Variants in ST8SIA1 observed in about 807,000 individuals in gnomAD.
The protein encoded by ST8SIA1 is ST8 alpha-N-acetyl-neuraminide alpha-2,8-sialyltransferase 1, also known as alpha-N-acetylneuraminide alpha-2,8-sialyltransferase.
In ST8SIA1, 16 loss-of-function variants were observed where a neutral mutation model predicts 35.9. The observed-to-expected ratio is 0.45, with a 90% CI of 0.30 to 0.68. The LOEUF (loss-of-function observed/expected upper bound fraction) is 0.68. ST8SIA1 is among the 30% of genes least tolerant of loss of function. ST8SIA1 has a pLI of 0.09. For missense variants in ST8SIA1, 383 were observed against 453.6 expected, an observed-to-expected ratio of 0.84 and a Z score of 1.41; for synonymous variants, 170 against 169.6, an observed-to-expected ratio of 1.00 and a Z score of -0.02.
intron 3 of ST8SIA1, among the ~76,000 whole-genome samples, chr12:22,249,544 GT>G (rs1865646106): frequency 6.6e-6 from 1 of 151,994 alleles, no homozygotes. Flanking sequence ...GTTTTGTTTT[GT>G]TTTGTTTTGT....
intron 2 of ST8SIA1, among the ~76,000 whole-genome samples, chr12:22,270,808 A>C (rs1302614151): frequency 6.6e-6 from 1 of 152,224 alleles, no homozygotes; most frequent in African/African-American, 2.4e-5. Context: ...AATTTACACA[A>C]ATTTTAAAGA....
At chr12:22,314,790 C>T (rs562532658) in intron 1 of ST8SIA1, among the ~76,000 whole-genome samples, 7 of 152,220 alleles carry the variant, frequency 4.6e-5, no homozygotes, top group African/African-American at 1.4e-4. Flanking sequence ...TGGCTCCAGG[C>T]GTACTTCTCC....
intron 4 of ST8SIA1, among the ~76,000 whole-genome samples, chr12:22,214,209 C>T (rs1387544242): frequency 1.3e-5 from 2 of 151,834 alleles, no homozygotes; most frequent in African/African-American, 2.4e-5. Flanking sequence ...TGACAGAAAA[C>T]AGAGGAAAAA....
chr12:22,319,126 T>TA (rs1291750791), intron 1 of ST8SIA1, among the ~76,000 whole-genome samples: 7 of 152,202 alleles, frequency 4.6e-5, no homozygotes, highest in African/African-American at 1.4e-4. Flanking sequence ...ATAAGTATAA[T>TA]AATATCTTCT....
At chr12:22,208,918 G>T (rs1282209207) in intron 4 of ST8SIA1, among the ~76,000 whole-genome samples, 1 of 152,042 alleles carries the variant, frequency 6.6e-6, no homozygotes, top group East Asian at 1.9e-4. Flanking sequence ...CTACTGGCTA[G>T]CCAGTAATAG....
At chr12:22,251,347 T>A (rs1171276055) in intron 3 of ST8SIA1, among the ~76,000 whole-genome samples, 1 of 152,220 alleles carries the variant, frequency 6.6e-6, no homozygotes, top group Non-Finnish European at 1.5e-5. Flanking sequence ...TTTTCATATT[T>A]ACTGCCACAG....
intron 4 of ST8SIA1, among the ~76,000 whole-genome samples, chr12:22,237,493 G>A (rs186605000): frequency 1.3e-5 from 2 of 151,392 alleles, no homozygotes; most frequent in Admixed American, 1.3e-4. Flanking sequence ...GATTTTCTCT[G>A]AACATAACTA....
intron 4 of ST8SIA1, among the ~76,000 whole-genome samples, chr12:22,220,634 T>C (rs1473782399): frequency 6.6e-6 from 1 of 152,214 alleles, no homozygotes; most frequent in Non-Finnish European, 1.5e-5. Context: ...AATTTGCCAA[T>C]TAAAAGCAAT....
chr12:22,277,530 C>A (rs10841985), intron 2 of ST8SIA1, among the ~76,000 whole-genome samples: 40,515 of 151,732 alleles, frequency 0.27, 5,588 homozygotes, highest in Middle Eastern at 0.38. Flanking sequence ...CTACGCCCAG[C>A]TAATTTTTGT....
intron 4 of ST8SIA1, among the ~76,000 whole-genome samples, chr12:22,232,297 C>T (rs1260742166): frequency 6.6e-6 from 1 of 152,170 alleles, no homozygotes; most frequent in Non-Finnish European, 1.5e-5. Flanking sequence ...GGACCAAGGT[C>T]ATGACAGTGG....
intron 3 of ST8SIA1, among the ~76,000 whole-genome samples, chr12:22,250,500 T>C (rs1865656680): frequency 6.6e-6 from 1 of 152,168 alleles, no homozygotes; most frequent in Non-Finnish European, 1.5e-5. Context: ...AGTCCTCATT[T>C]CTCCTCTTCA....
chr12:22,328,521 C>G (rs949013969), intron 1 of ST8SIA1, among the ~76,000 whole-genome samples: 1 of 152,192 alleles, frequency 6.6e-6, no homozygotes, highest in African/African-American at 2.4e-5. Context: ...TGTCTCTCAT[C>G]ATTATCCTAT....
rs1172941489 is a variant in ST8SIA1 at position 22,196,946 on chromosome 12, A to T, written c.*4606T>A. On this transcript the variant is annotated 3_prime_UTR_variant, in exon 5 of 5. Transcript: ENST00000396037. ...AGGACAGAGACTGACGGTGCTAAAAAGCCAAGGTTAAGGGTAGAGAGCACT... is the reference window on the plus strand; with the variant it reads ...AGGACAGAGACTGACGGTGCTAAAATGCCAAGGTTAAGGGTAGAGAGCACT... 1 of 152,244 alleles carries T rather than the reference A, an allele frequency of 6.6e-6. No homozygotes were observed. The allele number at this position is 152,244 out of a possible 1,614,324, so 9.4% of individuals were successfully genotyped here.
At chr12:22,262,230 G>A (rs1438325051) in intron 2 of ST8SIA1, among the ~76,000 whole-genome samples, 1 of 152,192 alleles carries the variant, frequency 6.6e-6, no homozygotes, top group Non-Finnish European at 1.5e-5. Context: ...ATGACTTATG[G>A]AAAAACGCTA....
At chr12:22,221,419 C>A (rs1044676786) in intron 4 of ST8SIA1, among the ~76,000 whole-genome samples, 3 of 152,160 alleles carry the variant, frequency 2.0e-5, no homozygotes, top group Non-Finnish European at 4.4e-5. Flanking sequence ...GAACAAAAAT[C>A]ATTTTCCTTC....
At chr12:22,224,298 T>C (rs1865331609) in intron 4 of ST8SIA1, among the ~76,000 whole-genome samples, 2 of 149,004 alleles carry the variant, frequency 1.3e-5, no homozygotes, top group Admixed American at 6.9e-5. Flanking sequence ...TTTATAAATA[T>C]ATAAAAATAT....
chr12:22,326,698 G>A (rs1470228213), intron 1 of ST8SIA1, among the ~76,000 whole-genome samples: 8 of 152,094 alleles, frequency 5.3e-5, no homozygotes, highest in African/African-American at 1.9e-4. Context: ...TTCTTTATCT[G>A]ATTTAATTAT....
chr12:22,231,660 G>A (rs1200410154), intron 4 of ST8SIA1, among the ~76,000 whole-genome samples: 4 of 151,670 alleles, frequency 2.6e-5, no homozygotes, highest in South Asian at 2.1e-4. Flanking sequence ...TGCAAGCTCC[G>A]CCTCCCGGGT....
rs1365556342 is a variant in ST8SIA1 at position 22,201,462 on chromosome 12, C to T, written c.*90G>A. On this transcript the variant is annotated 3_prime_UTR_variant, in exon 5 of 5. Transcript: ENST00000396037. ...CTGTTTTTCCAAGGGCCCATGCAAA[C>T]TCATGAAACAACTTGACCATTCCCT... is the stretch of plus-strand genomic sequence containing the variant. 1.7e-5 allele frequency: 26 copies of T among 1,489,774 alleles called. No homozygotes were observed. Among genetic ancestry groups the T allele is most frequent in the Non-Finnish European group, 2.3e-5 (26 of 1,116,958 alleles). 92.3% of individuals were successfully genotyped at this position (1,489,774 alleles called of 1,614,324 possible). A position where few individuals can be genotyped will look rare whatever the true frequency, so the allele number is the denominator to read the frequency against.
Sources: allele counts gnomAD v4.1 joint callset (sites outside exome capture counted in the v4.1 genomes callset), GRCh38; gene constraint gnomAD v4.1.1; transcripts MANE v1.5; gene names NCBI Gene and HGNC (gene_info 2026-07-23, HGNC 2026-07-21).